Variants in CYP2C19 observed in about 807,000 individuals in gnomAD.
CYP2C19 encodes cytochrome P450 2C19.
A neutral mutation model predicts 40.9 loss-of-function variants in CYP2C19; 59 were observed. The observed-to-expected ratio is 1.44, with a 90% CI of 1.17 to 1.79. The LOEUF (loss-of-function observed/expected upper bound fraction) is 1.79, where lower values mean the gene tolerates loss of function less well. CYP2C19 is among the 40% of genes most tolerant of loss of function. The pLI is 0.00. For missense variants in CYP2C19, 754 were observed against 596.9 expected (o/e 1.26, Z -2.74); for synonymous variants, 253 against 208.7 (o/e 1.21, Z -1.83).
chr10:94,804,089 T>C (rs1848801428), intron 5 of CYP2C19, among the ~76,000 whole-genome samples: 1 of 152,078 alleles, frequency 6.6e-6, no homozygotes, highest in African/African-American at 2.4e-5. Flanking sequence ...GGACTGCTGG[T>C]CCAGGCAAGT....
chr10:94,810,877 A>G (rs1169769335), intron 5 of CYP2C19, among the ~76,000 whole-genome samples: 3 of 151,962 alleles, frequency 2.0e-5, no homozygotes, highest in Non-Finnish European at 4.4e-5. Flanking sequence ...TCCTGTCTCT[A>G]TCTCCTTCAA....
intron 3 of CYP2C19, chr10:94,776,131 A>G (rs953513389): frequency 6.6e-6 from 1 of 152,598 alleles, no homozygotes; most frequent in African/African-American, 2.4e-5. Flanking sequence ...CTCTGTAAAT[A>G]CAGCATTATT....
intron 5 of CYP2C19, among the ~76,000 whole-genome samples, chr10:94,797,419 T>C (rs890751858): frequency 2.0e-5 from 3 of 152,074 alleles, no homozygotes; most frequent in Non-Finnish European, 4.4e-5. Flanking sequence ...GATTTTTGCA[T>C]CGATGTTCTT....
chr10:94,810,009 A>C (rs1283791503), intron 5 of CYP2C19, among the ~76,000 whole-genome samples: 1 of 152,026 alleles, frequency 6.6e-6, no homozygotes, highest in East Asian at 1.9e-4. Context: ...AGCCCCCTGA[A>C]TAGCTGGAAT....
At chr10:94,828,063 T>C (rs1435755879) in intron 6 of CYP2C19, among the ~76,000 whole-genome samples, 3 of 152,104 alleles carry the variant, frequency 2.0e-5, no homozygotes, top group Non-Finnish European at 4.4e-5. Context: ...TTACATTTGC[T>C]GAGGAGAGCT....
chr10:94,850,817 G>C (rs1308781061), intron 8 of CYP2C19, among the ~76,000 whole-genome samples: 4 of 152,162 alleles, frequency 2.6e-5, no homozygotes, highest in Admixed American at 2.6e-4. Context: ...GATGGGATCA[G>C]GGGGACATTA....
chr10:94,767,478 A>T (rs1848261790), intron 1 of CYP2C19, among the ~76,000 whole-genome samples: 1 of 152,184 alleles, frequency 6.6e-6, no homozygotes, highest in African/African-American at 2.4e-5. Context: ...TAAAGGTATC[A>T]ACACAGACCA....
At position 94,775,279 on chromosome 10, in the gene CYP2C19, G is replaced by A. The variant is rs1301693404; in HGVS notation, c.331+59G>A. ...TTGGGGATGGGGAGGATGGAAAACA[G>A]ACTAGCAGAGCTTCTCGGGCAGAGC... is the stretch of plus-strand genomic sequence containing the variant. On this transcript the variant is annotated intron_variant, in intron 2 of 8. Coordinates refer to ENST00000371321, the MANE Select transcript of CYP2C19 (RefSeq NM_000769.4). 8.7e-6 allele frequency: 14 copies of A among 1,613,126 alleles called. No homozygotes were observed. In the South Asian group the frequency reaches 1.1e-4, roughly 13 times the overall value.
intron 5 of CYP2C19, among the ~76,000 whole-genome samples, chr10:94,802,858 G>A (rs920673746): frequency 6.6e-6 from 1 of 151,968 alleles, no homozygotes. Context: ...AGTTTGTCTG[G>A]GTATGAAATT....
At chr10:94,780,166 T>C (rs758603588) in intron 3 of CYP2C19, among the ~76,000 whole-genome samples, 35 of 152,178 alleles carry the variant, frequency 2.3e-4, no homozygotes, top group Non-Finnish European at 4.1e-4. Flanking sequence ...TCTACAGACT[T>C]TGCAGACTGA....
chr10:94,820,416 A>C (rs1849096632), intron 5 of CYP2C19, 80 bp from the exon 6 acceptor site: 1 of 1,499,510 alleles, frequency 6.7e-7, no homozygotes, highest in Non-Finnish European at 9.3e-7. Context: ...GTAAGTATAC[A>C]ATGTGAGTAA....
chr10:94,851,610 G>A (rs1365572462), intron 8 of CYP2C19, among the ~76,000 whole-genome samples: 1 of 152,058 alleles, frequency 6.6e-6, no homozygotes, highest in Non-Finnish European at 1.5e-5. Flanking sequence ...AGTTCTGAAG[G>A]CTGTGAATTC....
intron 6 of CYP2C19, among the ~76,000 whole-genome samples, chr10:94,840,384 A>G (rs1265498290): frequency 1.3e-5 from 2 of 151,800 alleles, no homozygotes; most frequent in Non-Finnish European, 2.9e-5. Flanking sequence ...CCATGTCGAG[A>G]GCTGTATACC....
chr10:94,829,214 G>A (rs182130287), intron 6 of CYP2C19, among the ~76,000 whole-genome samples: 40 of 152,058 alleles, frequency 2.6e-4, no homozygotes, highest in East Asian at 1.9e-4. Flanking sequence ...TTGGCCTGCC[G>A]TGCTAGATTG....
intron 6 of CYP2C19, among the ~76,000 whole-genome samples, chr10:94,821,947 C>T (rs760215437): frequency 1.3e-5 from 2 of 152,056 alleles, no homozygotes; most frequent in Non-Finnish European, 2.9e-5. Context: ...TTCTCTCCCT[C>T]CCCTATATAG....
At chr10:94,801,631 A>C (rs1848766815) in intron 5 of CYP2C19, among the ~76,000 whole-genome samples, 1 of 152,184 alleles carries the variant, frequency 6.6e-6, no homozygotes, top group African/African-American at 2.4e-5. Flanking sequence ...GCTGTGTTCA[A>C]GTCCTGAAAA....
At chr10:94,790,838 G>T (rs1306902406) in intron 5 of CYP2C19, among the ~76,000 whole-genome samples, 1 of 151,810 alleles carries the variant, frequency 6.6e-6, no homozygotes, top group South Asian at 2.1e-4. Flanking sequence ...CTCTTTTTTT[G>T]TGTGTCTCTG....
intron 6 of CYP2C19, among the ~76,000 whole-genome samples, chr10:94,831,452 T>C (rs1484530741): frequency 6.6e-6 from 1 of 152,188 alleles, no homozygotes; most frequent in Non-Finnish European, 1.5e-5. Context: ...ACAATATATA[T>C]TTTTAGTTTT....
Position 94,830,380 on chromosome 10 carries a change from G to A in CYP2C19, c.961+9743G>A, listed in dbSNP as rs555391695. ...TGGTGCACCGTTTTTTAAGCCCATCGGAAAAGCGCAGTATTCGGGTGGGAG... is the reference window on the plus strand; with the variant it reads ...TGGTGCACCGTTTTTTAAGCCCATCAGAAAAGCGCAGTATTCGGGTGGGAG... On this transcript the variant is annotated intron_variant, in intron 6 of 8. Coordinates refer to ENST00000371321, the MANE Select transcript of CYP2C19 (RefSeq NM_000769.4). Among the ~76,000 whole-genome samples the A allele has an allele frequency of 1.8e-4, 28 of 152,306 alleles. 1 individual carries two copies. The South Asian group carries it at 4.6e-3, about 25-fold the overall frequency.
Sources: gnomAD v4.1 joint callset for allele counts (sites outside exome capture counted in the v4.1 genomes callset) on GRCh38, gnomAD v4.1.1 for gene constraint, MANE v1.5 for transcripts, NCBI Gene and HGNC (gene_info 2026-07-23, HGNC 2026-07-21) for gene names.